The following LOC128462377 variants were observed in gnomAD, a reference collection of about 807,000 sequenced individuals.
chr16:89,397,404 T>A, the LOC128462377 span, among the ~76,000 whole-genome samples: 2 of 152,180 alleles, frequency 1.3e-5, no homozygotes, highest in Non-Finnish European at 2.9e-5. Context: ...GCTTTCCGTG[T>A]CCTCAGTGAT....
the LOC128462377 span, among the ~76,000 whole-genome samples, chr16:89,319,444 C>T: frequency 2.6e-5 from 4 of 152,354 alleles, no homozygotes; most frequent in South Asian, 2.1e-4. Flanking sequence ...TCCGGGGACT[C>T]GGGAGTGTTG....
chr16:89,329,481 T>G, the LOC128462377 span, among the ~76,000 whole-genome samples: 44 of 152,278 alleles, frequency 2.9e-4, no homozygotes, highest in Middle Eastern at 6.8e-3. Context: ...GTGATGGTGT[T>G]TCCCCAACGG....
At chr16:89,377,040 G>T in the LOC128462377 span, among the ~76,000 whole-genome samples, 1 of 152,204 alleles carries the variant, frequency 6.6e-6, no homozygotes, top group Non-Finnish European at 1.5e-5. Flanking sequence ...TGCTTTGTCC[G>T]TGAAGTCAGG....
the LOC128462377 span, among the ~76,000 whole-genome samples, chr16:89,372,226 C>A: frequency 6.6e-6 from 1 of 152,222 alleles, no homozygotes; most frequent in East Asian, 1.9e-4. Flanking sequence ...ACACTCAGAG[C>A]TGGGGAAAGA....
the LOC128462377 span, among the ~76,000 whole-genome samples, chr16:89,336,215 C>T: frequency 6.6e-6 from 1 of 152,238 alleles, no homozygotes; most frequent in South Asian, 2.1e-4. Flanking sequence ...CTACTCAAGA[C>T]TTGAGGGGTT....
chr16:89,384,174 T>A, the LOC128462377 span, among the ~76,000 whole-genome samples: 1 of 152,104 alleles, frequency 6.6e-6, no homozygotes, highest in Non-Finnish European at 1.5e-5. Context: ...TGAGCTGAGA[T>A]GTGCTCCTGC....
chr16:89,392,746 C>G, the LOC128462377 span: 1 of 148,114 alleles, frequency 6.8e-6, no homozygotes, highest in African/African-American at 2.5e-5. Context: ...GTCCGGCACA[C>G]CCAGAACCTG....
At chr16:89,375,458 C>G in the LOC128462377 span, among the ~76,000 whole-genome samples, 1 of 45,030 alleles carries the variant, frequency 2.2e-5, no homozygotes, top group Non-Finnish European at 3.9e-5. Context: ...CAGCAAGACT[C>G]TATCTCTTTT....
the LOC128462377 span, among the ~76,000 whole-genome samples, chr16:89,356,483 G>GT: frequency 6.6e-6 from 1 of 152,012 alleles, no homozygotes; most frequent in African/African-American, 2.4e-5. Flanking sequence ...TATAAAGAAT[G>GT]TAACAGGGCC....
the LOC128462377 span, among the ~76,000 whole-genome samples, chr16:89,338,139 A>G: frequency 6.6e-6 from 1 of 152,180 alleles, no homozygotes; most frequent in Non-Finnish European, 1.5e-5. Flanking sequence ...CTCCCAGGAC[A>G]CTGCCCCAAG....
chr16:89,357,363 G>T, the LOC128462377 span, among the ~76,000 whole-genome samples: 1 of 152,146 alleles, frequency 6.6e-6, no homozygotes. Flanking sequence ...CACCTCACAG[G>T]GAACCAGGGG....
At chr16:89,332,041 C>CT in the LOC128462377 span, among the ~76,000 whole-genome samples, 1 of 151,962 alleles carries the variant, frequency 6.6e-6, no homozygotes. Flanking sequence ...AATCCCAGAA[C>CT]TTTGGGAGGC....
chr16:89,402,660 A>G, the LOC128462377 span, among the ~76,000 whole-genome samples: 69 of 59,088 alleles, frequency 1.2e-3, 1 homozygote, highest in Admixed American at 2.6e-3. Context: ...CTGCAGGGTG[A>G]GGTGAAGGGG....
the LOC128462377 span, among the ~76,000 whole-genome samples, chr16:89,344,466 T>C: frequency 6.6e-6 from 1 of 152,140 alleles, no homozygotes; most frequent in Non-Finnish European, 1.5e-5. Context: ...AAAATATCCA[T>C]CTGTCTGAAG....
chr16:89,319,065 G>T, the LOC128462377 span, among the ~76,000 whole-genome samples: 6 of 152,188 alleles, frequency 3.9e-5, no homozygotes, highest in Non-Finnish European at 8.8e-5. Flanking sequence ...CAAGTTTAAG[G>T]ATTATCTGGA....
chr16:89,322,768 C>T, the LOC128462377 span, among the ~76,000 whole-genome samples: 1 of 152,100 alleles, frequency 6.6e-6, no homozygotes, highest in Admixed American at 6.6e-5. Context: ...TGGGCACAGC[C>T]CCGCATGGTG....
At chr16:89,349,280 G>A in the LOC128462377 span, among the ~76,000 whole-genome samples, 1 of 151,646 alleles carries the variant, frequency 6.6e-6, no homozygotes, top group African/African-American at 2.4e-5. Context: ...TGTAATCCCA[G>A]CACTTTGGGA....
chr16:89,336,697 G>A, the LOC128462377 span, among the ~76,000 whole-genome samples: 1 of 152,214 alleles, frequency 6.6e-6, no homozygotes, highest in African/African-American at 2.4e-5. Context: ...GACCCGGCCT[G>A]TCCTAAAAGC....
At chr16:89,359,328 A>G in the LOC128462377 span, among the ~76,000 whole-genome samples, 4 of 152,270 alleles carry the variant, frequency 2.6e-5, no homozygotes, top group East Asian at 7.7e-4. Flanking sequence ...CATTTCCCAT[A>G]CAACTCAATC....
Sources: gnomAD v4.1 joint callset for allele counts (sites outside exome capture counted in the v4.1 genomes callset) on GRCh38, gnomAD v4.1.1 for gene constraint, MANE v1.5 for transcripts.